Variants in NME9 observed in about 807,000 individuals in gnomAD.
NME9 encodes the protein NME/NM23 family member 9.
Under a neutral mutation model 44.4 loss-of-function variants are expected in NME9, and 48 were observed. The ratio of observed to expected loss-of-function variants is 1.08; its 90% confidence interval spans 0.86 to 1.37. NME9 has a LOEUF of 1.37. NME9 is among the 40% of genes most tolerant of loss of function. NME9 has a pLI of 0.00. For missense variants in NME9, 325 were observed against 405.2 expected (o/e 0.80, Z 1.70); for synonymous variants, 139 against 147.1 (o/e 0.94, Z 0.40).
chr3:138,265,761 G>C lies in NME9; in HGVS notation c.746-3175C>G, dbSNP rs2048219597. On this transcript the variant is annotated intron_variant, in intron 8 of 8. Transcript: ENST00000317876. ...TATAATGAGACATACCAGTGGACAG[G>C]TAAGGACGAAGTGGAAGAGTTAGAC... 2.0e-5 allele frequency among the ~76,000 whole-genome samples: 3 copies of C among 152,328 alleles called. No homozygotes were observed. The South Asian group carries it at 6.2e-4, about 32-fold the overall frequency.
intron 6 of NME9, among the ~76,000 whole-genome samples, chr3:138,311,201 A>G (rs2052679664): frequency 6.6e-6 from 1 of 152,196 alleles, no homozygotes; most frequent in Admixed American, 6.5e-5. Flanking sequence ...ATGAAGAAAT[A>G]GAAAACCTCA....
At chr3:138,308,250 C>T (rs1443492335) in intron 6 of NME9, among the ~76,000 whole-genome samples, 2 of 152,152 alleles carry the variant, frequency 1.3e-5, no homozygotes, top group Non-Finnish European at 2.9e-5. Context: ...TAGAATCCAA[C>T]TCAAACAATT....
chr3:138,282,390 GTAAT>G (rs1287929862), intron 8 of NME9, among the ~76,000 whole-genome samples: 3 of 152,210 alleles, frequency 2.0e-5, no homozygotes, highest in Non-Finnish European at 4.4e-5. Context: ...GCTCATGCCT[GTAAT>G]CCCAGCACTT....
rs1380520872 is a variant in NME9 at position 138,327,584 on chromosome 3, C to T, written c.33+1719G>A. ...TGTGGCACCTTTTACCCAGACTGTCCCTTGATGTCCTGTGATTTCTGCCTG... is the reference window on the plus strand; with the variant it reads ...TGTGGCACCTTTTACCCAGACTGTCTCTTGATGTCCTGTGATTTCTGCCTG... On this transcript the variant is annotated intron_variant, in intron 1 of 10. Coordinates refer to ENST00000333911, the MANE Select transcript of NME9 (RefSeq NM_001349018.2). Among the ~76,000 whole-genome samples the T allele has an allele frequency of 3.3e-5, 5 of 152,106 alleles. No homozygotes were observed. In the East Asian group the frequency reaches 9.6e-4, roughly 29 times the overall value.
At chr3:138,280,506 T>C (rs1186071786) in intron 8 of NME9, among the ~76,000 whole-genome samples, 1 of 149,904 alleles carries the variant, frequency 6.7e-6, no homozygotes, top group Non-Finnish European at 1.5e-5. Context: ...TCTTTTTTTT[T>C]TTTTTGAGAC....
intron 8 of NME9, chr3:138,270,160 A>T: frequency 6.8e-7 from 1 of 1,472,214 alleles, no homozygotes; most frequent in Non-Finnish European, 9.5e-7. Context: ...ATATATCATA[A>T]CTTACAAAAG....
At chr3:138,285,881 A>T (rs1486641476) in intron 8 of NME9, among the ~76,000 whole-genome samples, 2 of 152,216 alleles carry the variant, frequency 1.3e-5, no homozygotes, top group African/African-American at 4.8e-5. Flanking sequence ...TCACTTAAAA[A>T]GTTTTCCTTA....
chr3:138,298,753 C>T (rs1042771443), downstream of NME9, among the ~76,000 whole-genome samples: 1 of 152,234 alleles, frequency 6.6e-6, no homozygotes, highest in African/African-American at 2.4e-5. Context: ...CTTGCTATCC[C>T]TCTGCAAGGA....
chr3:138,294,547 A>G (rs891881083), intron 8 of NME9, among the ~76,000 whole-genome samples: 1 of 152,238 alleles, frequency 6.6e-6, no homozygotes, highest in Non-Finnish European at 1.5e-5. Context: ...AATTGCAAGA[A>G]TACACCTTAG....
In NME9 at chr3:138,301,711, G is replaced by A. The variant is rs2051860930; in HGVS notation, c.929-7C>T. 1 of 1,535,360 alleles carries A rather than the reference G, an allele frequency of 6.5e-7. No homozygotes were observed. The highest frequency in any genetic ancestry group is 2.4e-5 in the East Asian group (1 of 40,908). On this transcript the variant is annotated splice_region_variant and splice_polypyrimidine_tract_variant and intron_variant, in intron 10 of 10. Transcript: ENST00000333911. The stretch of plus-strand genomic sequence containing the variant: ...GTTGCTTCAGCCTCACCGCCTGTGG[G>A]ATGACAGATGTTTGGTAGGACTCCT...
At chr3:138,283,598 A>G (rs1240482848) in intron 8 of NME9, among the ~76,000 whole-genome samples, 1 of 152,164 alleles carries the variant, frequency 6.6e-6, no homozygotes, top group Non-Finnish European at 1.5e-5. Context: ...GTTACTTAGT[A>G]AATGGTTTGT....
At chr3:138,287,679 GAA>G (rs1204871844) in intron 8 of NME9, 4 of 456,494 alleles carry the variant, frequency 8.8e-6, no homozygotes, top group African/African-American at 8.0e-5. Context: ...GTTAGAAGAA[GAA>G]AGAATCACTA....
At chr3:138,324,739 CAT>C (rs1491546826) in intron 2 of NME9, 132 bp downstream of exon 2, 31 of 591,890 alleles carry the variant, frequency 5.2e-5, no homozygotes, top group African/African-American at 3.7e-4. Flanking sequence ...CACACACACA[CAT>C]CACCTGGTTT....
At chr3:138,315,454 A>T in intron 5 of NME9, 73 bp downstream of exon 5, 1 of 990,596 alleles carries the variant, frequency 1.0e-6, no homozygotes, top group Non-Finnish European at 1.5e-6. Flanking sequence ...CAGGTGAAGG[A>T]GATGGGGACT....
At chr3:138,305,970 AGT>A in intron 8 of NME9, 32 bp downstream of exon 8, 1 of 1,318,162 alleles carries the variant, frequency 7.6e-7, no homozygotes. Context: ...GAGAAACGAC[AGT>A]GTGTTGAACT....
intron 4 of NME9, 52 bp downstream of exon 4, chr3:138,318,096 A>C: frequency 9.1e-7 from 1 of 1,103,632 alleles, no homozygotes; most frequent in African/African-American, 1.5e-5. Flanking sequence ...TCTATTTTGA[A>C]CTCTAATGAT....
At chr3:138,307,627 T>A (rs775967347) in intron 6 of NME9, among the ~76,000 whole-genome samples, 4 of 152,214 alleles carry the variant, frequency 2.6e-5, no homozygotes, top group Non-Finnish European at 4.4e-5. Context: ...TAAGAGAGTT[T>A]TACAATAAAT....
chr3:138,316,311 T>C, intron 4 of NME9, among the ~76,000 whole-genome samples: 1 of 152,112 alleles, frequency 6.6e-6, no homozygotes, highest in East Asian at 1.9e-4. Flanking sequence ...CAAATATTAT[T>C]GAGCACTTAC....
chr3:138,293,371 C>G (rs925463034), intron 8 of NME9, among the ~76,000 whole-genome samples: 1 of 152,146 alleles, frequency 6.6e-6, no homozygotes. Context: ...GAAACCCCGT[C>G]TCTACTAAAC....
Sources: allele counts gnomAD v4.1 joint callset (sites outside exome capture counted in the v4.1 genomes callset), GRCh38; gene constraint gnomAD v4.1.1; transcripts MANE v1.5; gene names NCBI Gene and HGNC (gene_info 2026-07-23, HGNC 2026-07-21).